The following RAPGEF2 variants were observed in gnomAD, a reference collection of about 807,000 sequenced individuals.
RAPGEF2 encodes Rap guanine nucleotide exchange factor 2.
RAPGEF2 carries 54 observed loss-of-function variants against 186.7 expected under a neutral mutation model. The observed-to-expected ratio is 0.29, with a 90% CI of 0.23 to 0.36. The LOEUF (loss-of-function observed/expected upper bound fraction) is 0.36, where lower values mean the gene tolerates loss of function less well. Ranked by LOEUF, RAPGEF2 falls within the 10% of genes least tolerant of loss-of-function variation. The probability of loss-of-function intolerance (pLI) is 1.00; values close to 1 mark genes in which losing one functional copy is unlikely to be tolerated. For missense variants in RAPGEF2, 1,532 were observed against 2,045.0 expected, an observed-to-expected ratio of 0.75 and a Z score of 4.84; for synonymous variants, 712 against 705.9, an observed-to-expected ratio of 1.01 and a Z score of -0.14.
chr4:159,107,360 C>G (rs1207081063), intron 1 of RAPGEF2, among the ~76,000 whole-genome samples: 15 of 152,058 alleles, frequency 9.9e-5, no homozygotes, highest in Admixed American at 9.8e-4. Flanking sequence ...TTTTATCCCC[C>G]AAGGCTTATA....
chr4:159,338,530 G>A (rs763330369), intron 18 of RAPGEF2, 62 bp downstream of exon 18: 12 of 1,446,462 alleles, frequency 8.3e-6, no homozygotes, highest in Non-Finnish European at 1.1e-5. Flanking sequence ...TAACATAATG[G>A]TCATATTATA....
chr4:159,165,618 ATT>A (rs1478243148), intron 1 of RAPGEF2, among the ~76,000 whole-genome samples: 1 of 152,084 alleles, frequency 6.6e-6, no homozygotes, highest in Non-Finnish European at 1.5e-5. Context: ...TAAACAATGG[ATT>A]TTTGTTTGTT....
chr4:159,125,418 GT>G (rs1740176813), intron 1 of RAPGEF2, among the ~76,000 whole-genome samples: 1 of 152,054 alleles, frequency 6.6e-6, no homozygotes, highest in South Asian at 2.1e-4. Context: ...GTGCTATGGA[GT>G]TTTTTTGAGT....
chr4:159,332,314 T>C, intron 16 of RAPGEF2, 137 bp from the exon 17 acceptor site: 7 of 901,942 alleles, frequency 7.8e-6, no homozygotes, highest in Admixed American at 5.4e-5. Flanking sequence ...TGTGTGATAC[T>C]GTTTTTCTGC....
Position 159,330,318 on chromosome 4 carries a change from CT to C in RAPGEF2, c.1303-12del. On this transcript the variant is annotated splice_polypyrimidine_tract_variant and intron_variant, in intron 12 of 29. Coordinates refer to ENST00000691494, the MANE Select transcript of RAPGEF2 (RefSeq NM_001394067.2). ...GTGTATATATATGTAGTAATTAAAC[CT>C]TTTCTTTGTTACAGGGTACCTCAGA... 2 of 1,156,514 alleles carry C rather than the reference CT, an allele frequency of 1.7e-6. No individual in the cohort carries two copies. 71.6% of individuals were successfully genotyped at this position (1,156,514 alleles called of 1,614,324 possible). A position where few individuals can be genotyped will look rare whatever the true frequency, so the allele number is the denominator to read the frequency against.
chr4:159,173,240 T>C (rs868579456), intron 1 of RAPGEF2, among the ~76,000 whole-genome samples: 1 of 152,162 alleles, frequency 6.6e-6, no homozygotes, highest in South Asian at 2.1e-4. Context: ...ATTTAAAACC[T>C]TCCATTCAAA....
intron 7 of RAPGEF2, among the ~76,000 whole-genome samples, chr4:159,264,222 A>G (rs1413118738): frequency 2.0e-5 from 3 of 152,196 alleles, no homozygotes; most frequent in Non-Finnish European, 2.9e-5. Context: ...CTGTATTACA[A>G]TTATGAGTTT....
chr4:159,173,791 T>A (rs1159186243), intron 1 of RAPGEF2, among the ~76,000 whole-genome samples: 1 of 152,218 alleles, frequency 6.6e-6, no homozygotes, highest in Non-Finnish European at 1.5e-5. Flanking sequence ...ATGTTAAATG[T>A]AATCATTCAC....
intron 7 of RAPGEF2, among the ~76,000 whole-genome samples, chr4:159,294,329 C>T (rs1761632901): frequency 6.6e-6 from 1 of 152,070 alleles, no homozygotes; most frequent in Non-Finnish European, 1.5e-5. Context: ...TAAGTGCAGT[C>T]CCTTTGGAGC....
rs867863264 is a variant in RAPGEF2 at position 159,304,461 on chromosome 4, T to C, written c.663T>C (p.Ser221=). The change falls in exon 8 of 30, where the codon TCT becomes TCC. Residue 221 remains serine (S), a synonymous_variant. Transcript: ENST00000691494. ...GTGATTCTGGGAGCAGCAGTCTTTCTGATATCTACCAGGTAAGAGGATGTT... is the reference window on the plus strand; with the variant it reads ...GTGATTCTGGGAGCAGCAGTCTTTCCGATATCTACCAGGTAAGAGGATGTT... The part of the protein sequence containing the change: ...ITSDSGSSSL[S]DIYQATESEA... 2 of 1,605,498 alleles carry C rather than the reference T, an allele frequency of 1.2e-6. No individual in the cohort carries two copies. Among genetic ancestry groups the C allele is most frequent in the Middle Eastern group, 3.3e-4 (2 of 6,042 alleles).
chr4:159,246,300 A>G (rs919265698), intron 7 of RAPGEF2, among the ~76,000 whole-genome samples: 1 of 152,150 alleles, frequency 6.6e-6, no homozygotes, highest in African/African-American at 2.4e-5. Context: ...ATTGAATGCC[A>G]TATAATATTA....
intron 1 of RAPGEF2, among the ~76,000 whole-genome samples, chr4:159,175,587 G>T (rs1746374987): frequency 6.6e-6 from 1 of 152,200 alleles, no homozygotes; most frequent in Non-Finnish European, 1.5e-5. Flanking sequence ...GACATAAAGA[G>T]AAAGGAATCA....
intron 1 of RAPGEF2, among the ~76,000 whole-genome samples, chr4:159,125,710 AT>A (rs1740217854): frequency 6.6e-6 from 1 of 151,702 alleles, no homozygotes; most frequent in African/African-American, 2.4e-5. Context: ...GTGAGCTGAG[AT>A]TGCGGCACTG....
At chr4:159,139,247 A>G (rs1280911288) in intron 1 of RAPGEF2, among the ~76,000 whole-genome samples, 1 of 152,216 alleles carries the variant, frequency 6.6e-6, no homozygotes, top group Admixed American at 6.5e-5. Context: ...AATTCATACA[A>G]TAGCATGGAA....
At chr4:159,301,544 G>A (rs1762676073) in intron 7 of RAPGEF2, among the ~76,000 whole-genome samples, 1 of 152,038 alleles carries the variant, frequency 6.6e-6, no homozygotes, top group Admixed American at 6.6e-5. Context: ...ATGCCATTCT[G>A]CAAAGAACAC....
chr4:159,272,667 A>G (rs1254627808), intron 7 of RAPGEF2, among the ~76,000 whole-genome samples: 1 of 152,240 alleles, frequency 6.6e-6, no homozygotes, highest in African/African-American at 2.4e-5. Context: ...AGTACAGTAT[A>G]GAGAAGGATT....
chr4:159,314,557 A>G, intron 8 of RAPGEF2, 34 bp from the exon 9 acceptor site: 1 of 1,561,064 alleles, frequency 6.4e-7, no homozygotes, highest in Non-Finnish European at 8.6e-7. Context: ...TATTTACTTA[A>G]AATAGTTTTT....
chr4:159,354,151 T>A, intron 28 of RAPGEF2, 105 bp downstream of exon 28: 1 of 1,221,288 alleles, frequency 8.2e-7, no homozygotes, highest in South Asian at 1.7e-5. Context: ...CCTCATTTTC[T>A]CCATTGCTAT....
In RAPGEF2 at chr4:159,193,262, T is replaced by C; in HGVS notation, c.197+6T>C. 1 of 1,478,370 alleles carries C rather than the reference T, an allele frequency of 6.8e-7. No homozygotes were observed. The highest frequency in any genetic ancestry group is 9.0e-7 in the Non-Finnish European group (1 of 1,115,474). 91.6% of individuals were successfully genotyped at this position (1,478,370 alleles called of 1,614,324 possible). A position where few individuals can be genotyped will look rare whatever the true frequency, so the allele number is the denominator to read the frequency against. ...GCAAATGAAGTTTTATACTAGTAGGTGTTTCCTTTTTGTTTGTACAATGTA... is the reference window on the plus strand; with the variant it reads ...GCAAATGAAGTTTTATACTAGTAGGCGTTTCCTTTTTGTTTGTACAATGTA... On this transcript the variant is annotated splice_donor_region_variant and intron_variant, in intron 3 of 29. Transcript: ENST00000691494.
Sources: gnomAD v4.1 joint callset for allele counts (sites outside exome capture counted in the v4.1 genomes callset) on GRCh38, gnomAD v4.1.1 for gene constraint, MANE v1.5 for transcripts, NCBI Gene and HGNC (gene_info 2026-07-23, HGNC 2026-07-21) for gene names.